The following CTNNA3 variants were observed in gnomAD, a reference collection of about 807,000 sequenced individuals.
The protein encoded by CTNNA3 is catenin alpha 3, also known as catenin alpha-3.
A neutral mutation model predicts 95.7 loss-of-function variants in CTNNA3; 76 were observed. That is an observed-to-expected ratio of 0.79 (90% confidence interval 0.66 to 0.96). The LOEUF (loss-of-function observed/expected upper bound fraction) is 0.96, where lower values mean the gene tolerates loss of function less well. Among genes scored for constraint, CTNNA3 ranks in the 40% least tolerant of loss-of-function variants. CTNNA3 has a pLI of 0.00. For synonymous variants in CTNNA3, 431 were observed against 374.4 expected, an observed-to-expected ratio of 1.15 and a Z score of -1.74; for missense variants, 1,191 against 1,089.8, an observed-to-expected ratio of 1.09 and a Z score of -1.31.
chr10:67,418,450 C>T (rs1041312948), intron 5 of CTNNA3, among the ~76,000 whole-genome samples: 1 of 150,442 alleles, frequency 6.6e-6, no homozygotes, highest in Non-Finnish European at 1.5e-5. Flanking sequence ...CTGTATCTAT[C>T]AACACATAAA....
chr10:67,231,333 C>A (rs986545575), intron 5 of CTNNA3, among the ~76,000 whole-genome samples: 10 of 152,212 alleles, frequency 6.6e-5, no homozygotes, highest in Non-Finnish European at 1.3e-4. Context: ...GATCTGAGAA[C>A]CAGCAGACTG....
chr10:66,583,922 A>C (rs763800197), intron 10 of CTNNA3, among the ~76,000 whole-genome samples: 2 of 151,738 alleles, frequency 1.3e-5, no homozygotes, highest in Non-Finnish European at 3.0e-5. Context: ...TTTCCACCTT[A>C]ATGTCATTGT....
chr10:66,981,880 T>G (rs1325218991), intron 7 of CTNNA3, among the ~76,000 whole-genome samples: 1 of 152,184 alleles, frequency 6.6e-6, no homozygotes, highest in Non-Finnish European at 1.5e-5. Context: ...CCCACTTACT[T>G]GCTCCCAAAG....
At chr10:66,445,386 C>A in intron 11 of CTNNA3, among the ~76,000 whole-genome samples, 1 of 151,988 alleles carries the variant, frequency 6.6e-6, no homozygotes, top group East Asian at 1.9e-4. Flanking sequence ...TTCAGCACCA[C>A]ACCACACCTA....
intron 10 of CTNNA3, among the ~76,000 whole-genome samples, chr10:66,544,762 A>G (rs1474106116): frequency 6.6e-6 from 1 of 152,250 alleles, no homozygotes; most frequent in East Asian, 1.9e-4. Flanking sequence ...ATCAGAAGAA[A>G]GCTTTGTAAA....
intron 13 of CTNNA3, among the ~76,000 whole-genome samples, chr10:66,106,463 C>A (rs1230600703): frequency 1.3e-5 from 2 of 151,822 alleles, no homozygotes; most frequent in African/African-American, 4.8e-5. Flanking sequence ...TTGAGTAATG[C>A]AGACCTGAAT....
At chr10:67,518,382 A>C (rs1306303407) in intron 5 of CTNNA3, among the ~76,000 whole-genome samples, 1 of 152,184 alleles carries the variant, frequency 6.6e-6, no homozygotes, top group Non-Finnish European at 1.5e-5. Flanking sequence ...GTACATTCTA[A>C]ATACGAAGTT....
intron 7 of CTNNA3, among the ~76,000 whole-genome samples, chr10:66,799,445 A>G (rs1413733637): frequency 6.6e-6 from 1 of 151,684 alleles, no homozygotes; most frequent in Non-Finnish European, 1.5e-5. Context: ...TTTAAAACTG[A>G]AAAATAGAAT....
intron 7 of CTNNA3, among the ~76,000 whole-genome samples, chr10:67,158,903 G>A (rs1861418879): frequency 6.6e-6 from 1 of 151,462 alleles, no homozygotes; most frequent in African/African-American, 2.4e-5. Context: ...GAGCCTCAAA[G>A]GGGGGAAAGG....
intron 9 of CTNNA3, among the ~76,000 whole-genome samples, chr10:66,622,700 A>T (rs1478148834): frequency 1.3e-5 from 2 of 152,134 alleles, no homozygotes; most frequent in African/African-American, 4.8e-5. Flanking sequence ...TATCTCTGTC[A>T]GTTGTTTTAT....
intron 7 of CTNNA3, among the ~76,000 whole-genome samples, chr10:66,846,493 AC>A (rs1843282849): frequency 6.6e-6 from 1 of 151,600 alleles, no homozygotes; most frequent in Non-Finnish European, 1.5e-5. Flanking sequence ...ACACACACAC[AC>A]ACAAAATGAG....
At chr10:66,404,427 C>T in intron 11 of CTNNA3, among the ~76,000 whole-genome samples, 1 of 152,120 alleles carries the variant, frequency 6.6e-6, no homozygotes, top group Non-Finnish European at 1.5e-5. Context: ...GAACCTGTTA[C>T]ATGATTGACT....
chr10:66,782,577 G>C (rs1286575950), intron 7 of CTNNA3, among the ~76,000 whole-genome samples: 1 of 151,724 alleles, frequency 6.6e-6, no homozygotes, highest in African/African-American at 2.4e-5. Flanking sequence ...TGAGACTTTT[G>C]TTATCTTTTA....
At chr10:66,210,800 A>G (rs538395343) in intron 13 of CTNNA3, among the ~76,000 whole-genome samples, 2 of 152,344 alleles carry the variant, frequency 1.3e-5, no homozygotes, top group Non-Finnish European at 2.9e-5. Context: ...AATAATTCAC[A>G]TGTAGTTTAC....
intron 7 of CTNNA3, among the ~76,000 whole-genome samples, chr10:66,966,055 C>T (rs923204547): frequency 3.3e-5 from 5 of 152,136 alleles, no homozygotes; most frequent in African/African-American, 9.7e-5. Flanking sequence ...TTCACTTTGA[C>T]ATATTACTTG....
intron 7 of CTNNA3, among the ~76,000 whole-genome samples, chr10:66,793,280 T>G (rs909378116): frequency 6.6e-6 from 1 of 152,098 alleles, no homozygotes; most frequent in African/African-American, 2.4e-5. Flanking sequence ...TAGCTGGGAC[T>G]ACAGGTGCAC....
chr10:66,984,990 C>A (rs1160972167), intron 7 of CTNNA3, among the ~76,000 whole-genome samples: 1 of 152,140 alleles, frequency 6.6e-6, no homozygotes, highest in Non-Finnish European at 1.5e-5. Context: ...CTCTTCTTCA[C>A]TACTGTTGAG....
intron 7 of CTNNA3, among the ~76,000 whole-genome samples, chr10:67,072,962 A>G (rs1344831433): frequency 2.6e-5 from 4 of 152,150 alleles, no homozygotes; most frequent in African/African-American, 4.8e-5. Context: ...AGATCCCTCA[A>G]GTCTCCAGTT....
chr10:66,367,862 A>C (rs1338003478), intron 12 of CTNNA3, among the ~76,000 whole-genome samples: 8 of 41,558 alleles, frequency 1.9e-4, no homozygotes, highest in African/African-American at 6.2e-4. Flanking sequence ...TAATAATAAT[A>C]ATAATAATAA....
Sources: allele counts gnomAD v4.1 joint callset (sites outside exome capture counted in the v4.1 genomes callset), GRCh38; gene constraint gnomAD v4.1.1; transcripts MANE v1.5; gene names NCBI Gene and HGNC (gene_info 2026-07-23, HGNC 2026-07-21).